Variants in AKT3 observed in about 807,000 individuals in gnomAD.
AKT3 encodes RAC-gamma serine/threonine-protein kinase.
In AKT3, 15 loss-of-function variants were observed where a neutral mutation model predicts 65.3. The observed-to-expected ratio is 0.23, with a 90% CI of 0.15 to 0.35. The LOEUF (loss-of-function observed/expected upper bound fraction) is 0.35, where lower values mean the gene tolerates loss of function less well. Among genes scored for constraint, AKT3 ranks in the 10% least tolerant of loss-of-function variants. The pLI is 1.00. For missense variants in AKT3, 243 were observed against 576.5 expected (o/e 0.42, Z 5.92); for synonymous variants, 206 against 183.8 (o/e 1.12, Z -0.98).
intron 3 of AKT3, among the ~76,000 whole-genome samples, chr1:243,679,422 A>G (rs944614732): frequency 6.6e-6 from 1 of 152,208 alleles, no homozygotes; most frequent in Non-Finnish European, 1.5e-5. Flanking sequence ...AAACTGACCA[A>G]TCTTTTATTT....
intron 2 of AKT3, among the ~76,000 whole-genome samples, chr1:243,810,973 G>A (rs1378446408): frequency 3.9e-5 from 6 of 152,052 alleles, no homozygotes; most frequent in Admixed American, 1.3e-4. Flanking sequence ...AAATTCAACA[G>A]CCCTTCATGC....
chr1:243,490,231 A>G (rs1386073120), intron 13 of AKT3, among the ~76,000 whole-genome samples: 1 of 152,246 alleles, frequency 6.6e-6, no homozygotes, highest in Non-Finnish European at 1.5e-5. Flanking sequence ...CAGACAGTAA[A>G]TGAGCACACC....
chr1:243,774,905 C>T (rs1225682078), intron 2 of AKT3, among the ~76,000 whole-genome samples: 2 of 152,192 alleles, frequency 1.3e-5, no homozygotes, highest in Non-Finnish European at 2.9e-5. Flanking sequence ...CTCTGTCACC[C>T]AGGCTGGAAT....
At chr1:243,694,803 A>G (rs1343583431) in intron 3 of AKT3, among the ~76,000 whole-genome samples, 1 of 151,870 alleles carries the variant, frequency 6.6e-6, no homozygotes, top group East Asian at 1.9e-4. Context: ...TTTTTTTCCC[A>G]AATATGGCTA....
rs566161107 is a variant in AKT3 at position 243,604,942 on chromosome 1, C to T, written c.696+8729G>A. On this transcript the variant is annotated intron_variant, in intron 8 of 13. Transcript: ENST00000673466. Reference sequence around the variant, plus strand: ...CCAAACATTCCTTAGAACGGTATTACACTGGAGACCAACATACTGTCATCT... The same window carrying T: ...CCAAACATTCCTTAGAACGGTATTATACTGGAGACCAACATACTGTCATCT... Among the ~76,000 whole-genome samples, 9 of 152,318 alleles carry T rather than the reference C, an allele frequency of 5.9e-5. No individual in the cohort carries two copies. In the East Asian group the frequency reaches 1.7e-3, roughly 29 times the overall value.
chr1:243,724,147 G>A (rs948590760), intron 2 of AKT3, among the ~76,000 whole-genome samples: 44 of 151,082 alleles, frequency 2.9e-4, no homozygotes, highest in African/African-American at 9.5e-4. Flanking sequence ...TACAGGAGAG[G>A]AAAACAAGAC....
At chr1:243,545,293 T>A (rs1013205783) in intron 12 of AKT3, among the ~76,000 whole-genome samples, 1 of 152,016 alleles carries the variant, frequency 6.6e-6, no homozygotes, top group Non-Finnish European at 1.5e-5. Flanking sequence ...AATAGAAAAA[T>A]TCTGTGATCA....
chr1:243,773,099 A>C (rs1690298848), intron 2 of AKT3, among the ~76,000 whole-genome samples: 1 of 151,260 alleles, frequency 6.6e-6, no homozygotes, highest in African/African-American at 2.4e-5. Flanking sequence ...TGGCGAGTTA[A>C]TGGGTGCAGC....
At chr1:243,728,776 A>C (rs1402596408) in intron 2 of AKT3, among the ~76,000 whole-genome samples, 1 of 152,202 alleles carries the variant, frequency 6.6e-6, no homozygotes, top group Non-Finnish European at 1.5e-5. Context: ...CAGTCTATGG[A>C]CTCTAAGGCA....
chr1:243,728,596 AC>A (rs1687357593), intron 2 of AKT3, among the ~76,000 whole-genome samples: 1 of 152,248 alleles, frequency 6.6e-6, no homozygotes, highest in South Asian at 2.1e-4. Flanking sequence ...ATAGGACAGG[AC>A]AGGCAATCCC....
chr1:243,544,372 C>T (rs1223483497), intron 12 of AKT3, among the ~76,000 whole-genome samples: 1 of 151,738 alleles, frequency 6.6e-6, no homozygotes, highest in Non-Finnish European at 1.5e-5. Flanking sequence ...GTCTGTAATC[C>T]AGCACTTTGG....
intron 3 of AKT3, among the ~76,000 whole-genome samples, chr1:243,682,100 C>T (rs1407231423): frequency 2.6e-5 from 4 of 151,688 alleles, no homozygotes; most frequent in Non-Finnish European, 5.9e-5. Flanking sequence ...TAAAATGACA[C>T]ACTAAAAAAA....
At chr1:243,510,245 C>T (rs1281433409) in intron 13 of AKT3, among the ~76,000 whole-genome samples, 2 of 152,078 alleles carry the variant, frequency 1.3e-5, no homozygotes, top group African/African-American at 2.4e-5. Flanking sequence ...GTTCCTAGGC[C>T]CTCACCATAT....
intron 6 of AKT3, among the ~76,000 whole-genome samples, chr1:243,616,412 C>T (rs1047140397): frequency 1.3e-5 from 2 of 149,748 alleles, no homozygotes; most frequent in South Asian, 2.2e-4. Flanking sequence ...GAATGTTTTC[C>T]CCAACTTTGG....
intron 2 of AKT3, among the ~76,000 whole-genome samples, chr1:243,707,259 G>T (rs187224087): frequency 1.2e-4 from 18 of 152,206 alleles, no homozygotes; most frequent in Non-Finnish European, 2.5e-4. Flanking sequence ...TCTTTAATTT[G>T]TCTAGACTAT....
At chr1:243,521,256 T>C (rs1165163468) in intron 12 of AKT3, among the ~76,000 whole-genome samples, 1 of 152,226 alleles carries the variant, frequency 6.6e-6, no homozygotes, top group African/African-American at 2.4e-5. Context: ...TGAACATAGA[T>C]GTTTGCAGTA....
chr1:243,505,452 A>G, intron 13 of AKT3, 118 bp from the exon 14 acceptor site: 3 of 765,414 alleles, frequency 3.9e-6, no homozygotes, highest in African/African-American at 1.7e-5. Context: ...TAGCTCCCAT[A>G]AACTTGTGTT....
intron 4 of AKT3, among the ~76,000 whole-genome samples, chr1:243,656,102 G>A (rs1448475600): frequency 6.6e-6 from 1 of 151,468 alleles, no homozygotes; most frequent in East Asian, 1.9e-4. Context: ...TGAGGGTGTG[G>A]CGGGGGGGTG....
chr1:243,766,743 G>A (rs1437249568), intron 2 of AKT3, among the ~76,000 whole-genome samples: 1 of 152,114 alleles, frequency 6.6e-6, no homozygotes, highest in African/African-American at 2.4e-5. Flanking sequence ...TTTCCTAGAA[G>A]AAGAAAATGC....
Sources: allele counts gnomAD v4.1 joint callset (sites outside exome capture counted in the v4.1 genomes callset), GRCh38; gene constraint gnomAD v4.1.1; transcripts MANE v1.5; gene names NCBI Gene and HGNC (gene_info 2026-07-23, HGNC 2026-07-21).